The following CTNNA3 variants were observed in gnomAD, a reference collection of about 807,000 sequenced individuals.
CTNNA3 encodes the protein catenin alpha 3.
In CTNNA3, 76 loss-of-function variants were observed where a neutral mutation model predicts 95.7. The observed-to-expected ratio is 0.79, with a 90% CI of 0.66 to 0.96. The LOEUF (loss-of-function observed/expected upper bound fraction) is 0.96. Ranked by LOEUF, CTNNA3 falls within the 40% of genes least tolerant of loss-of-function variation. CTNNA3 has a pLI of 0.00. For missense variants in CTNNA3, 1,191 were observed against 1,089.8 expected, an observed-to-expected ratio of 1.09 and a Z score of -1.31; for synonymous variants, 431 against 374.4, an observed-to-expected ratio of 1.15 and a Z score of -1.74.
chr10:67,212,919 T>A (rs1864195020), intron 6 of CTNNA3, among the ~76,000 whole-genome samples: 1 of 151,940 alleles, frequency 6.6e-6, no homozygotes, highest in Non-Finnish European at 1.5e-5. Flanking sequence ...CTGACCTGTG[T>A]AGCATCGTTT....
At chr10:66,521,170 T>G (rs1841055214) in intron 10 of CTNNA3, among the ~76,000 whole-genome samples, 1 of 151,372 alleles carries the variant, frequency 6.6e-6, no homozygotes, top group South Asian at 2.1e-4. Flanking sequence ...CAAAACGTTT[T>G]ATATTTATTA....
chr10:67,342,695 G>A (rs1842256480), intron 5 of CTNNA3, among the ~76,000 whole-genome samples: 1 of 152,068 alleles, frequency 6.6e-6, no homozygotes, highest in Non-Finnish European at 1.5e-5. Context: ...TGAAGAGACT[G>A]TCTTTTTTCG....
intron 16 of CTNNA3, among the ~76,000 whole-genome samples, chr10:65,985,724 G>GAAACAAT (rs2078413558): frequency 6.6e-6 from 1 of 151,380 alleles, no homozygotes; most frequent in Admixed American, 6.6e-5. Flanking sequence ...ACAAGACAAG[G>GAAACAAT]CTGCCTACTG....
In CTNNA3 at chr10:66,443,381, G is replaced by A. The variant is rs138396528; in HGVS notation, c.1532-64029C>T. ...CTCCTTAAGTGGGTGTCTGACCCCC[G>A]AGCAGCCTAACTGGGAGGCGCCCCC... On this transcript the variant is annotated intron_variant, in intron 11 of 17. Transcript: ENST00000433211. Among the ~76,000 whole-genome samples the A allele has an allele frequency of 7.0e-3, 1,062 of 152,286 alleles. 11 individuals are homozygous for A. Among genetic ancestry groups the A allele is most frequent in the African/African-American group, 0.024 (1,011 of 41,572 alleles).
In CTNNA3 at chr10:67,130,775, C is replaced by T. The variant is rs142162889; in HGVS notation, c.1047+49542G>A. 2.6e-4 allele frequency among the ~76,000 whole-genome samples: 40 copies of T among 152,148 alleles called. 1 individual carries two copies. In the East Asian group the frequency reaches 6.8e-3, roughly 26 times the overall value. On this transcript the variant is annotated intron_variant, in intron 7 of 17. Transcript: ENST00000433211. The stretch of plus-strand genomic sequence containing the variant: ...CAATGGGTCCTGGCCTGGAACCTGT[C>T]CCACAGCAGAAGATGAGGACCTGGT...
intron 7 of CTNNA3, among the ~76,000 whole-genome samples, chr10:67,059,607 T>C (rs960048585): frequency 6.6e-6 from 1 of 152,226 alleles, no homozygotes; most frequent in African/African-American, 2.4e-5. Context: ...TTTCCTTTTT[T>C]TAAAGTTGTC....
intron 17 of CTNNA3, among the ~76,000 whole-genome samples, chr10:65,925,567 G>T (rs1187257655): frequency 6.6e-6 from 1 of 152,044 alleles, no homozygotes; most frequent in African/African-American, 2.4e-5. Flanking sequence ...TCCCCAAGTA[G>T]CTGGCATTAC....
At chr10:66,112,249 G>T (rs2082148452) in intron 13 of CTNNA3, among the ~76,000 whole-genome samples, 1 of 152,146 alleles carries the variant, frequency 6.6e-6, no homozygotes, top group Non-Finnish European at 1.5e-5. Flanking sequence ...GTCTAACGGT[G>T]CCTGGCACAC....
rs1839910603 is a variant in CTNNA3, at chr10:67,293,394, T to C, written c.580-73524A>G. On this transcript the variant is annotated intron_variant, in intron 5 of 17. Coordinates refer to ENST00000433211, the MANE Select transcript of CTNNA3 (RefSeq NM_013266.4). ...TCATTTAATAAATATTCTCCTATGG[T>C]ATACAATTCCTTACTAGACACTATA... Among the ~76,000 whole-genome samples the C allele has an allele frequency of 2.6e-5, 4 of 152,336 alleles. 1 individual carries two copies. In the South Asian group the frequency reaches 8.3e-4, roughly 32 times the overall value.
At chr10:66,511,762 A>T (rs1009435797) in intron 11 of CTNNA3, among the ~76,000 whole-genome samples, 1 of 151,900 alleles carries the variant, frequency 6.6e-6, no homozygotes, top group Non-Finnish European at 1.5e-5. Flanking sequence ...AATTATTTAG[A>T]GTTGTTTTGG....
intron 13 of CTNNA3, among the ~76,000 whole-genome samples, chr10:66,211,847 A>T (rs1266709815): frequency 6.6e-6 from 1 of 152,154 alleles, no homozygotes; most frequent in Non-Finnish European, 1.5e-5. Context: ...TTTTCTTCAA[A>T]AATCCTTCTC....
intron 7 of CTNNA3, chr10:66,926,318 G>T (rs1015249854): frequency 1.8e-6 from 1 of 544,572 alleles, no homozygotes. Context: ...ATGCAAAAAC[G>T]TAATATCCAT....
chr10:65,954,451 A>G (rs1397345500), intron 17 of CTNNA3, among the ~76,000 whole-genome samples: 1 of 152,156 alleles, frequency 6.6e-6, no homozygotes, highest in Non-Finnish European at 1.5e-5. Context: ...TTAGTCATGA[A>G]GTCCTTGCCC....
chr10:66,170,288 C>A (rs1325283447), intron 13 of CTNNA3, among the ~76,000 whole-genome samples: 1 of 114,984 alleles, frequency 8.7e-6, no homozygotes, highest in African/African-American at 3.4e-5. Flanking sequence ...TAGCTCTGAA[C>A]AACAGAGACT....
intron 3 of CTNNA3, among the ~76,000 whole-genome samples, chr10:67,563,993 A>C (rs1263153172): frequency 1.3e-5 from 2 of 148,970 alleles, no homozygotes; most frequent in East Asian, 3.9e-4. Flanking sequence ...TCAGGAAACA[A>C]CAGGTGCTGG....
intron 7 of CTNNA3, among the ~76,000 whole-genome samples, chr10:67,117,996 C>A (rs898380656): frequency 2.6e-5 from 4 of 151,900 alleles, no homozygotes; most frequent in African/African-American, 9.7e-5. Flanking sequence ...AGCAAATAAT[C>A]AACAAGAGCA....
chr10:66,969,269 A>G (rs1436845883), intron 7 of CTNNA3, among the ~76,000 whole-genome samples: 1 of 152,140 alleles, frequency 6.6e-6, no homozygotes, highest in Non-Finnish European at 1.5e-5. Flanking sequence ...ATGATACTGT[A>G]TATCAATTTT....
At chr10:66,453,543 A>G (rs2093478098) in intron 11 of CTNNA3, among the ~76,000 whole-genome samples, 1 of 152,352 alleles carries the variant, frequency 6.6e-6, no homozygotes, top group East Asian at 1.9e-4. Flanking sequence ...TGACACTGCA[A>G]TGTTGATTGT....
chr10:66,483,718 A>G (rs1839623743), intron 11 of CTNNA3, among the ~76,000 whole-genome samples: 1 of 152,158 alleles, frequency 6.6e-6, no homozygotes, highest in Non-Finnish European at 1.5e-5. Flanking sequence ...TGCATATGTT[A>G]TAGATCAGGA....
Sources: gnomAD v4.1 joint callset for allele counts (sites outside exome capture counted in the v4.1 genomes callset) on GRCh38, gnomAD v4.1.1 for gene constraint, MANE v1.5 for transcripts, NCBI Gene and HGNC (gene_info 2026-07-23, HGNC 2026-07-21) for gene names.